Variants in ANKRD18A observed in about 807,000 individuals in gnomAD.
ANKRD18A encodes ankyrin repeat domain 18A.
A neutral mutation model predicts 110.6 loss-of-function variants in ANKRD18A; 72 were observed. That is an observed-to-expected ratio of 0.65 (90% CI 0.54 to 0.79). ANKRD18A has a LOEUF of 0.79. Among genes scored for constraint, ANKRD18A ranks in the 30% least tolerant of loss-of-function variants. ANKRD18A has a pLI of 0.00. For missense variants in ANKRD18A, 934 were observed against 1,163.3 expected (o/e 0.80, Z 2.87); for synonymous variants, 305 against 410.3 (o/e 0.74, Z 3.10).
Position 38,577,242 on chromosome 9 carries a change from T to G in ANKRD18A, c.2552A>C (p.Gln851Pro). 1.3e-6 allele frequency: 2 copies of G among 1,533,120 alleles called. No individual in the cohort carries two copies. The highest frequency in any genetic ancestry group is 8.8e-7 in the Non-Finnish European group (1 of 1,141,972). The allele number at this position is 1,533,120 out of a possible 1,614,324, so 95.0% of individuals were successfully genotyped here. A position where few individuals can be genotyped will look rare whatever the true frequency, so the allele number is the denominator to read the frequency against. ...ATTATCCTTGTTTAACTGCTCTAAT[T>G]GTTTTTCATATTCTGCTTGTTTCTA... ...HLQKQAEYEKQLEQLNKDNTA... is the reference protein window; with the variant it reads ...HLQKQAEYEKPLEQLNKDNTA... Residue 851 changes from glutamine (Q) to proline (P), a missense_variant, in exon 14 of 16, where the codon CAA becomes CCA. By Grantham distance (76) the Gln-to-Pro change is moderately conservative. This residue lies in a region of ANKRD18A where 223 missense variants were observed against 226.7 expected (regional missense o/e 0.98). Coordinates refer to ENST00000399703, the MANE Select transcript of ANKRD18A (RefSeq NM_147195.4).
At position 38,611,215 on chromosome 9, in the gene ANKRD18A, C is replaced by G. The variant is rs1321973445; in HGVS notation, c.602G>C (p.Arg201Thr). 95 of 1,527,610 alleles carry G rather than the reference C, an allele frequency of 6.2e-5. No individual in the cohort carries two copies. The highest frequency in any genetic ancestry group is 8.2e-5 in the Non-Finnish European group (93 of 1,139,946). The allele number at this position is 1,527,610 out of a possible 1,614,324, so 94.6% of individuals were successfully genotyped here. ...ANIHAVDNFK[R>T]TALILAVQHN... ...AAACAAAAAACAAAAACTATTGCAC[C>G]TTTTGAAATTGTCAACGGCATGTAT... is the stretch of plus-strand genomic sequence containing the variant. The change falls in exon 4 of 16, where the codon AGA (arginine) becomes ACA (threonine). Residue 201 changes from arginine (R) to threonine (T), a missense_variant and splice_region_variant. By Grantham distance (71) the Arg-to-Thr change is moderately conservative. Coordinates refer to ENST00000399703, the MANE Select transcript of ANKRD18A (RefSeq NM_147195.4).
intron 6 of ANKRD18A, among the ~76,000 whole-genome samples, chr9:38,603,798 T>C (rs1448435094): frequency 1.3e-5 from 2 of 152,230 alleles, no homozygotes; most frequent in Non-Finnish European, 2.9e-5. Flanking sequence ...AATGAATTTC[T>C]AGAGCAAACA....
intron 7 of ANKRD18A, among the ~76,000 whole-genome samples, chr9:38,602,366 G>A (rs1825153925): frequency 6.6e-6 from 1 of 152,000 alleles, no homozygotes; most frequent in African/African-American, 2.4e-5. Context: ...AAGAGGCAGA[G>A]GGCAGGAAAG....
At chr9:38,582,130 G>A (rs552493953) in intron 12 of ANKRD18A, among the ~76,000 whole-genome samples, 2,396 of 151,876 alleles carry the variant, frequency 0.016, 36 homozygotes, top group South Asian at 0.042. Context: ...CTTCCTGGAT[G>A]GTAAACATCT....
intron 3 of ANKRD18A, among the ~76,000 whole-genome samples, chr9:38,614,358 G>C (rs1825770604): frequency 1.3e-5 from 2 of 151,566 alleles, no homozygotes; most frequent in African/African-American, 4.9e-5. Context: ...GCCCGCCTCA[G>C]GCTGGACTTA....
In ANKRD18A at chr9:38,578,041, T is replaced by G. The variant is rs1225882587; in HGVS notation, c.2355A>C (p.Gln785His). 1 of 1,552,128 alleles carries G rather than the reference T, an allele frequency of 6.4e-7. No homozygotes were observed. The highest frequency in any genetic ancestry group is 2.0e-5 in the Admixed American group (1 of 51,224). Residue 785 changes from glutamine to histidine, a missense_variant, in exon 13 of 16, where the codon CAA becomes CAC. Around this residue, in one of 4 missense-constraint regions of ANKRD18A, gnomAD observed 79 missense variants for 122.8 expected, o/e 0.64. Transcript: ENST00000399703. ...HQELLSMRNVQEKCEKLEKDK... is the reference protein window; with the variant it reads ...HQELLSMRNVHEKCEKLEKDK... ...CCTTCTCAAGTTTTTCACATTTCTC[T>G]TGTACATTTCTCATAGATAATAACT... is the stretch of plus-strand genomic sequence containing the variant.
At chr9:38,576,945 T>G in intron 14 of ANKRD18A, 108 bp downstream of exon 14, 1 of 880,622 alleles carries the variant, frequency 1.1e-6, no homozygotes, top group Non-Finnish European at 1.7e-6. Context: ...ATTATCAAAT[T>G]AGCATTCACT....
chr9:38,575,765 AT>A, intron 14 of ANKRD18A, 67 bp from the exon 15 acceptor site: 1 of 1,467,128 alleles, frequency 6.8e-7, no homozygotes, highest in Non-Finnish European at 9.1e-7. Flanking sequence ...AATGACTTGC[AT>A]TTTTTAAAAA....
intron 3 of ANKRD18A, among the ~76,000 whole-genome samples, chr9:38,613,551 C>T: frequency 6.9e-6 from 1 of 145,184 alleles, no homozygotes; most frequent in Non-Finnish European, 1.5e-5. Flanking sequence ...AGAATTTTCC[C>T]AACATTTATT....
rs971143266 is a variant in ANKRD18A at position 38,596,333 on chromosome 9, A to G, written c.1007T>C (p.Met336Thr). Residue 336 changes from methionine (M) to threonine (T), a missense_variant, in exon 9 of 16, where the codon ATG becomes ACG. Coordinates refer to ENST00000399703, the MANE Select transcript of ANKRD18A (RefSeq NM_147195.4). ...GNFMLKKDIA[M>T]LKEELYAIKN... ...TATTGCATATAATTCCTCTTTGAGC[A>G]TGGCAATGTCTTTCTTCAACATAAA... is the stretch of plus-strand genomic sequence containing the variant. The G allele has an allele frequency of 1.3e-6, 2 of 1,502,406 alleles. No individual in the cohort carries two copies. Among genetic ancestry groups the G allele is most frequent in the African/African-American group, 2.8e-5 (2 of 70,470 alleles). The allele number at this position is 1,502,406 out of a possible 1,614,324, so 93.1% of individuals were successfully genotyped here.
Position 38,586,326 on chromosome 9 carries a change from A to T in ANKRD18A, c.2118-14T>A. 1 of 1,526,680 alleles carries T rather than the reference A, an allele frequency of 6.6e-7. No homozygotes were observed. The highest frequency in any genetic ancestry group is 8.9e-7 in the Non-Finnish European group (1 of 1,124,200). The allele number at this position is 1,526,680 out of a possible 1,614,324, so 94.6% of individuals were successfully genotyped here. A position where few individuals can be genotyped will look rare whatever the true frequency, so the allele number is the denominator to read the frequency against. On this transcript the variant is annotated splice_polypyrimidine_tract_variant and intron_variant, in intron 11 of 15. Transcript: ENST00000399703. ...CATTTCTTATATCTGCAGAAATGTA[A>T]GAACTAGTAAGTCAAGTATTTTTAA...
chr9:38,619,723 G>A (rs949235901), intron 1 of ANKRD18A, among the ~76,000 whole-genome samples: 12 of 152,134 alleles, frequency 7.9e-5, no homozygotes, highest in African/African-American at 2.9e-4. Flanking sequence ...TGTCTACCTA[G>A]GTGGATTCGG....
intron 10 of ANKRD18A, 117 bp downstream of exon 10, chr9:38,593,643 T>A: frequency 2.3e-5 from 25 of 1,064,642 alleles, no homozygotes; most frequent in Non-Finnish European, 3.1e-5. Flanking sequence ...AAAATGGTAA[T>A]GATCAATTAT....
At chr9:38,605,789 C>G (rs1587532151) in intron 6 of ANKRD18A, among the ~76,000 whole-genome samples, 1 of 151,878 alleles carries the variant, frequency 6.6e-6, no homozygotes, top group Non-Finnish European at 1.5e-5. Context: ...AATTTTTGTA[C>G]TTTTAGTAGA....
At chr9:38,599,060 T>G (rs1201294289) in intron 8 of ANKRD18A, among the ~76,000 whole-genome samples, 4 of 152,242 alleles carry the variant, frequency 2.6e-5, no homozygotes, top group Non-Finnish European at 4.4e-5. Context: ...CCTTAATTTT[T>G]CAATTTCTGT....
chr9:38,613,985 A>ATT (rs1333750747), intron 3 of ANKRD18A, among the ~76,000 whole-genome samples: 1 of 152,234 alleles, frequency 6.6e-6, no homozygotes, highest in Non-Finnish European at 1.5e-5. Context: ...AAAAAGTGTT[A>ATT]TTCTGTAAGC....
At position 38,606,709 on chromosome 9, in the gene ANKRD18A, A is replaced by G. The variant is rs141199058; in HGVS notation, c.808+717T>C. 3.4e-4 allele frequency among the ~76,000 whole-genome samples: 52 copies of G among 152,322 alleles called. No homozygotes were observed. The East Asian group carries it at 6.9e-3, about 20-fold the overall frequency. ...TAACCCCCACAATATTCAAGAATCA[A>G]TTGGAATTAATATTTAGTTACTAAA... On this transcript the variant is annotated intron_variant, in intron 6 of 15. Coordinates refer to ENST00000399703, the MANE Select transcript of ANKRD18A (RefSeq NM_147195.4).
At chr9:38,583,395 T>A (rs1020056479) in intron 12 of ANKRD18A, among the ~76,000 whole-genome samples, 17 of 152,088 alleles carry the variant, frequency 1.1e-4, no homozygotes, top group African/African-American at 2.9e-4. Flanking sequence ...ATTACTATAT[T>A]TTTTTTGAGA....
At chr9:38,584,168 C>T (rs1472064505) in intron 12 of ANKRD18A, among the ~76,000 whole-genome samples, 1 of 152,162 alleles carries the variant, frequency 6.6e-6, no homozygotes, top group African/African-American at 2.4e-5. Flanking sequence ...TCCTTCTCAC[C>T]CTTCAATGGG....
Sources: gnomAD v4.1 joint callset for allele counts (sites outside exome capture counted in the v4.1 genomes callset) on GRCh38, gnomAD v4.1.1 for gene constraint, gnomAD v4.1.1 regional missense constraint, MANE v1.5 for transcripts, NCBI Gene and HGNC (gene_info 2026-07-23, HGNC 2026-07-21) for gene names.